The following FAM117B variants were observed in gnomAD, a reference collection of about 807,000 sequenced individuals.
The protein encoded by FAM117B is family with sequence similarity 117 member B.
FAM117B carries 22 observed loss-of-function variants against 52.8 expected under a neutral mutation model. That is an observed-to-expected ratio of 0.42 (90% CI 0.30 to 0.59). The LOEUF (loss-of-function observed/expected upper bound fraction) is 0.59, where lower values mean the gene tolerates loss of function less well. FAM117B is among the 20% of genes least tolerant of loss of function. FAM117B has a pLI of 0.22. For synonymous variants in FAM117B, 309 were observed against 324.1 expected, an observed-to-expected ratio of 0.95 and a Z score of 0.50; for missense variants, 678 against 802.6, an observed-to-expected ratio of 0.84 and a Z score of 1.88.
intron 1 of FAM117B, among the ~76,000 whole-genome samples, chr2:202,685,986 A>G (rs1037946078): frequency 1.3e-5 from 2 of 152,248 alleles, no homozygotes; most frequent in South Asian, 2.1e-4. Flanking sequence ...AATTGAGAAG[A>G]CAAGCCAAAA....
At chr2:202,652,626 T>G (rs1010527530) in intron 1 of FAM117B, among the ~76,000 whole-genome samples, 1 of 152,152 alleles carries the variant, frequency 6.6e-6, no homozygotes, top group Non-Finnish European at 1.5e-5. Flanking sequence ...GTCAGAATGC[T>G]TTGTGTGCAG....
At chr2:202,686,495 T>C (rs1690538546) in intron 1 of FAM117B, among the ~76,000 whole-genome samples, 1 of 152,214 alleles carries the variant, frequency 6.6e-6, no homozygotes, top group African/African-American at 2.4e-5. Flanking sequence ...TGTCAAACAC[T>C]GGAAGCAATC....
chr2:202,689,421 T>A (rs1690589698), intron 1 of FAM117B, among the ~76,000 whole-genome samples: 1 of 152,140 alleles, frequency 6.6e-6, no homozygotes, highest in African/African-American at 2.4e-5. Context: ...CCAGCCTGGG[T>A]GACAGAGCAA....
At chr2:202,725,299 CT>C (rs11432596) in intron 3 of FAM117B, 1,699 of 148,634 alleles carry the variant, frequency 0.011, 4 homozygotes, top group South Asian at 0.033. Context: ...CACATTTATT[CT>C]TTTTTTTTTT....
intron 1 of FAM117B, among the ~76,000 whole-genome samples, chr2:202,677,682 C>T (rs1293871544): frequency 1.3e-5 from 2 of 152,152 alleles, no homozygotes; most frequent in Non-Finnish European, 2.9e-5. Context: ...CTTTCTTAAT[C>T]TGGAGGGTAG....
intron 1 of FAM117B, among the ~76,000 whole-genome samples, chr2:202,679,639 T>C (rs1295120355): frequency 6.6e-6 from 1 of 152,166 alleles, no homozygotes; most frequent in African/African-American, 2.4e-5. Context: ...GCCTTAAAAG[T>C]GGGGCTAAAT....
intron 1 of FAM117B, among the ~76,000 whole-genome samples, chr2:202,687,316 G>A (rs1036939265): frequency 3.3e-5 from 5 of 152,150 alleles, no homozygotes; most frequent in African/African-American, 4.8e-5. Context: ...TCAAAGGAGC[G>A]TGAAAAATTG....
intron 1 of FAM117B, among the ~76,000 whole-genome samples, chr2:202,677,218 C>T (rs763672370): frequency 1.3e-5 from 2 of 152,250 alleles, no homozygotes; most frequent in East Asian, 1.9e-4. Context: ...CAGGCACGCA[C>T]CACCATTCCC....
intron 2 of FAM117B, among the ~76,000 whole-genome samples, chr2:202,706,495 T>C (rs1433857192): frequency 1.3e-5 from 2 of 152,260 alleles, no homozygotes; most frequent in African/African-American, 2.4e-5. Flanking sequence ...CTTTGTAAGA[T>C]GTCCTGTGAT....
chr2:202,722,035 G>A (rs1284712203), intron 2 of FAM117B, among the ~76,000 whole-genome samples: 2 of 144,860 alleles, frequency 1.4e-5, no homozygotes, highest in African/African-American at 5.2e-5. Context: ...TTTGGAGATG[G>A]AGCCTCTCAC....
In FAM117B at chr2:202,681,268, G is replaced by A. The variant is rs144832289; in HGVS notation, c.602-14613G>A. Reference sequence around the variant, plus strand: ...AAGGGGAAAAAAGAACAAAGAACAGGTAGAGAAAATGGAAAATAAGCAAGA... The same window carrying A: ...AAGGGGAAAAAAGAACAAAGAACAGATAGAGAAAATGGAAAATAAGCAAGA... On this transcript the variant is annotated intron_variant, in intron 1 of 7. Coordinates refer to ENST00000392238, the MANE Select transcript of FAM117B (RefSeq NM_173511.4). 8.5e-5 allele frequency among the ~76,000 whole-genome samples: 13 copies of A among 152,206 alleles called. No individual in the cohort carries two copies. The East Asian group carries it at 2.5e-3, about 29-fold the overall frequency.
At chr2:202,761,005 C>T (rs1691878425) in intron 7 of FAM117B, among the ~76,000 whole-genome samples, 1 of 152,162 alleles carries the variant, frequency 6.6e-6, no homozygotes, top group African/African-American at 2.4e-5. Context: ...CCTCCCCGGG[C>T]TCAGGCAATT....
intron 1 of FAM117B, among the ~76,000 whole-genome samples, chr2:202,650,063 C>T (rs1342434311): frequency 6.6e-6 from 1 of 151,668 alleles, no homozygotes; most frequent in African/African-American, 2.4e-5. Context: ...TTAGTAGACA[C>T]GGGGTTTCAT....
chr2:202,754,028 A>G (rs575612651), intron 4 of FAM117B, among the ~76,000 whole-genome samples: 4 of 152,332 alleles, frequency 2.6e-5, no homozygotes, highest in African/African-American at 9.6e-5. Flanking sequence ...ATTACTGAAT[A>G]TATACCCAAA....
intron 4 of FAM117B, among the ~76,000 whole-genome samples, chr2:202,746,947 G>A (rs138800949): frequency 4.9e-5 from 5 of 102,500 alleles, no homozygotes; most frequent in Admixed American, 1.9e-4. Flanking sequence ...AGCCACCACC[G>A]GAAAAAAAAA....
chr2:202,761,105 C>T (rs1170830775), intron 7 of FAM117B, among the ~76,000 whole-genome samples: 2 of 152,210 alleles, frequency 1.3e-5, no homozygotes, highest in Non-Finnish European at 1.5e-5. Flanking sequence ...GGCATGTGCC[C>T]AGGCTGGTCT....
At chr2:202,670,434 C>A (rs1028831168) in intron 1 of FAM117B, among the ~76,000 whole-genome samples, 1 of 151,812 alleles carries the variant, frequency 6.6e-6, no homozygotes, top group Non-Finnish European at 1.5e-5. Context: ...GGATTACAGG[C>A]GCCTGCCACC....
At chr2:202,656,079 G>A (rs554913274) in intron 1 of FAM117B, among the ~76,000 whole-genome samples, 3 of 152,080 alleles carry the variant, frequency 2.0e-5, no homozygotes, top group Non-Finnish European at 2.9e-5. Context: ...GCATCCTTTC[G>A]GTCATTCCTG....
chr2:202,636,987 A>G (rs1034838691), intron 1 of FAM117B, among the ~76,000 whole-genome samples: 1 of 148,882 alleles, frequency 6.7e-6, no homozygotes, highest in African/African-American at 2.5e-5. Context: ...GCAGCCTCCA[A>G]CTCCCGGGTT....
Sources: allele counts gnomAD v4.1 joint callset (sites outside exome capture counted in the v4.1 genomes callset), GRCh38; gene constraint gnomAD v4.1.1; transcripts MANE v1.5; gene names NCBI Gene and HGNC (gene_info 2026-07-23, HGNC 2026-07-21).